PLA2G4E: variants seen among roughly 807,000 people sequenced by gnomAD.
PLA2G4E encodes phospholipase A2 group IVE, also known as cytosolic phospholipase A2 epsilon.
In PLA2G4E, 84 loss-of-function variants were observed where a neutral mutation model predicts 109.1. The ratio of observed to expected loss-of-function variants is 0.77; its 90% CI spans 0.65 to 0.92. PLA2G4E has a LOEUF of 0.92. PLA2G4E is among the 40% of genes least tolerant of loss of function. PLA2G4E has a pLI of 0.00. For synonymous variants in PLA2G4E, 469 were observed against 436.1 expected (o/e 1.08, Z -0.94); for missense variants, 1,057 against 1,076.6 (o/e 0.98, Z 0.25).
intron 5 of PLA2G4E, among the ~76,000 whole-genome samples, chr15:42,003,173 A>G (rs970918109): frequency 3.9e-5 from 6 of 152,372 alleles, no homozygotes; most frequent in Non-Finnish European, 8.8e-5. Context: ...AGTTGAGAAC[A>G]TAAGCCTCCA....
intron 1 of PLA2G4E, among the ~76,000 whole-genome samples, chr15:42,017,440 ATGTACAGGTTCTC>A (rs1299438174): frequency 6.6e-6 from 1 of 152,226 alleles, no homozygotes; most frequent in African/African-American, 2.4e-5. Flanking sequence ...CGCAGGTGCC[ATGTACAGGTTCTC>A]TGTATATTAT....
intron 1 of PLA2G4E, among the ~76,000 whole-genome samples, chr15:42,049,476 C>T (rs759654495): frequency 6.6e-6 from 1 of 152,158 alleles, no homozygotes; most frequent in Non-Finnish European, 1.5e-5. Flanking sequence ...GACATACTCC[C>T]CCAGTATGGA....
intron 1 of PLA2G4E, among the ~76,000 whole-genome samples, chr15:42,035,423 C>T (rs532454929): frequency 8.3e-4 from 127 of 152,224 alleles, no homozygotes; most frequent in Non-Finnish European, 1.5e-3. Flanking sequence ...TGGTTATTGT[C>T]CATGCCTAGG....
intron 19 of PLA2G4E, 26 bp from the exon 20 acceptor site, chr15:41,984,000 T>G (rs537297835): frequency 1.3e-6 from 2 of 1,569,496 alleles, no homozygotes; most frequent in Non-Finnish European, 1.7e-6. Context: ...TGACTTGTTA[T>G]AGACTCTGTC....
intron 1 of PLA2G4E, among the ~76,000 whole-genome samples, chr15:42,038,211 C>G (rs1889251091): frequency 6.6e-6 from 1 of 152,116 alleles, no homozygotes; most frequent in East Asian, 1.9e-4. Flanking sequence ...ATTGGTATAT[C>G]TTAGATCAGT....
In PLA2G4E at chr15:41,984,738, T is replaced by C. The variant is rs1303695769; in HGVS notation, c.2203-119A>G. On this transcript the variant is annotated intron_variant, in intron 18 of 19. Transcript: ENST00000399518. ...GCTAACAACTCAGCTCCCCAACTGC[T>C]TTGCCAGTGTATGGTATTTTGAGAC... 7 of 959,918 alleles carry C rather than the reference T, an allele frequency of 7.3e-6. No individual in the cohort carries two copies. In the East Asian group the frequency reaches 1.6e-4, roughly 23 times the overall value. The allele number at this position is 959,918 out of a possible 1,614,324, so 59.5% of individuals were successfully genotyped here.
At chr15:41,986,347 G>A (rs960962185) in intron 17 of PLA2G4E, among the ~76,000 whole-genome samples, 6 of 152,224 alleles carry the variant, frequency 3.9e-5, no homozygotes, top group South Asian at 2.1e-4. Context: ...TGCAGGCCAC[G>A]GCCAATTAAA....
exon 15 of PLA2G4E, chr15:41,989,423 T>C (rs765405633): frequency 6.2e-7 from 1 of 1,613,988 alleles, no homozygotes; most frequent in East Asian, 2.2e-5. Flanking sequence ...ACCTAGCATG[T>C]AGCAGATTCG....
intron 1 of PLA2G4E, among the ~76,000 whole-genome samples, chr15:42,049,945 A>G (rs1889479323): frequency 6.6e-6 from 1 of 152,198 alleles, no homozygotes; most frequent in Admixed American, 6.5e-5. Context: ...CACTCAATTT[A>G]CCAGATGGGA....
chr15:42,049,618 G>A (rs1268852895), intron 1 of PLA2G4E, among the ~76,000 whole-genome samples: 1 of 152,310 alleles, frequency 6.6e-6, no homozygotes, highest in East Asian at 1.9e-4. Context: ...TGGGGCTCAG[G>A]ATGGACCCTC....
chr15:41,997,719 C>A (rs2068364380), intron 10 of PLA2G4E: 1 of 152,642 alleles, frequency 6.6e-6, no homozygotes, highest in Admixed American at 6.5e-5. Context: ...GGTAAACAAA[C>A]TCCCTGTTCC....
At chr15:42,000,136 C>T (rs749220209) in exon 8 of PLA2G4E, 25 of 1,593,856 alleles carry the variant, frequency 1.6e-5, no homozygotes, top group Admixed American at 1.7e-5. Context: ...GGCACTTCCA[C>T]GTGCACCTGG....
chr15:42,050,670 G>T, exon 1 of PLA2G4E: 5 of 1,550,542 alleles, frequency 3.2e-6, no homozygotes, highest in Non-Finnish European at 4.4e-6. Flanking sequence ...TTAGTTCCCA[G>T]GCCAGGACAG....
At chr15:41,986,295 T>C (rs1315125787) in intron 17 of PLA2G4E, among the ~76,000 whole-genome samples, 1 of 152,202 alleles carries the variant, frequency 6.6e-6, no homozygotes, top group Non-Finnish European at 1.5e-5. Flanking sequence ...TGGCCCCAGA[T>C]GGTGAGGATG....
At position 41,989,019 on chromosome 15, in the gene PLA2G4E, C is replaced by T. The variant is rs76656624; in HGVS notation, c.1723+396G>A. ...TCGGTGGGCCCAGCTCATGAAGAAC[C>T]GAGGCGCTTAGGGTGGGAGGCTGGG... On this transcript the variant is annotated intron_variant, in intron 15 of 19. Transcript: ENST00000399518. Among the ~76,000 whole-genome samples, 499 of 152,240 alleles carry T rather than the reference C, an allele frequency of 3.3e-3. 19 individuals are homozygous for T. In the East Asian group the frequency reaches 0.089, roughly 27 times the overall value.
chr15:42,033,274 G>A (rs1889146208), intron 1 of PLA2G4E, among the ~76,000 whole-genome samples: 1 of 152,144 alleles, frequency 6.6e-6, no homozygotes, highest in East Asian at 1.9e-4. Flanking sequence ...GTTTCTGGCT[G>A]TCCCGATGAG....
At chr15:42,000,332 C>A (rs1178986090) in intron 7 of PLA2G4E, 50 bp from the exon 8 acceptor site, 2 of 1,502,956 alleles carry the variant, frequency 1.3e-6, no homozygotes, top group Non-Finnish European at 1.8e-6. Flanking sequence ...TCACTACCCA[C>A]CTGCAACTTG....
chr15:42,013,692 A>G, exon 2 of PLA2G4E: 9 of 1,550,452 alleles, frequency 5.8e-6, no homozygotes, highest in Non-Finnish European at 7.8e-6. Context: ...CACGCATATC[A>G]GCCTGCCGGA....
At chr15:42,039,152 C>T (rs1889270838) in intron 1 of PLA2G4E, among the ~76,000 whole-genome samples, 1 of 152,152 alleles carries the variant, frequency 6.6e-6, no homozygotes, top group Non-Finnish European at 1.5e-5. Context: ...ATCTAAGCAC[C>T]ATCAACACTT....
Sources: gnomAD v4.1 joint callset for allele counts (sites outside exome capture counted in the v4.1 genomes callset) on GRCh38, gnomAD v4.1.1 for gene constraint, MANE v1.5 for transcripts, NCBI Gene and HGNC (gene_info 2026-07-23, HGNC 2026-07-21) for gene names.